The following RIMS2 variants were observed in gnomAD, a reference collection of about 807,000 sequenced individuals.
RIMS2 encodes regulating synaptic membrane exocytosis 2.
In RIMS2, 59 loss-of-function variants were observed where a neutral mutation model predicts 174.4. The ratio of observed to expected loss-of-function variants is 0.34; its 90% confidence interval spans 0.27 to 0.42. The LOEUF is 0.42. Among genes scored for constraint, RIMS2 ranks in the 10% least tolerant of loss-of-function variants. The probability of loss-of-function intolerance (pLI) is 1.00; values close to 1 mark genes in which losing one functional copy is unlikely to be tolerated. For missense variants in RIMS2, 1,620 were observed against 1,666.3 expected, an observed-to-expected ratio of 0.97 and a Z score of 0.48; for synonymous variants, 606 against 572.5, an observed-to-expected ratio of 1.06 and a Z score of -0.84.
intron 3 of RIMS2, among the ~76,000 whole-genome samples, chr8:103,851,570 A>T (rs2098998059): frequency 1.3e-5 from 2 of 151,190 alleles, no homozygotes; most frequent in African/African-American, 2.4e-5. Flanking sequence ...TGATTTTAGT[A>T]TTCTTATAGT....
intron 19 of RIMS2, among the ~76,000 whole-genome samples, chr8:104,104,896 AG>A (rs1301672217): frequency 1.3e-5 from 2 of 151,088 alleles, no homozygotes; most frequent in South Asian, 2.1e-4. Context: ...AAAAAAAAAA[AG>A]AGAGAACATG....
intron 12 of RIMS2, among the ~76,000 whole-genome samples, 158 bp downstream of exon 14, chr8:103,931,551 T>C (rs1401757839): frequency 6.6e-6 from 1 of 152,122 alleles, no homozygotes; most frequent in Admixed American, 6.5e-5. Flanking sequence ...ATAGTGACAG[T>C]AAATAAGATT....
At chr8:103,980,452 T>C (rs1441954054) in intron 16 of RIMS2, among the ~76,000 whole-genome samples, 2 of 152,290 alleles carry the variant, frequency 1.3e-5, no homozygotes, top group East Asian at 1.9e-4. Flanking sequence ...GCTGTGGGCA[T>C]TGGGCTCTGA....
chr8:103,797,643 T>C (rs1000505957), intron 3 of RIMS2, among the ~76,000 whole-genome samples: 1 of 152,216 alleles, frequency 6.6e-6, no homozygotes, highest in Admixed American at 6.5e-5. Flanking sequence ...TTGCTACATA[T>C]CAGATTGATC....
chr8:104,174,740 T>C (rs1219025597), intron 19 of RIMS2, among the ~76,000 whole-genome samples: 2 of 152,162 alleles, frequency 1.3e-5, no homozygotes, highest in African/African-American at 4.8e-5. Flanking sequence ...AAAGAAACAA[T>C]AAATGATTTT....
chr8:103,858,665 A>G (rs1049033102), intron 3 of RIMS2, among the ~76,000 whole-genome samples: 1 of 149,564 alleles, frequency 6.7e-6, no homozygotes, highest in African/African-American at 2.5e-5. Context: ...CCTTAACCAT[A>G]TATATATATA....
chr8:104,177,504 G>C (rs778298176), intron 19 of RIMS2, among the ~76,000 whole-genome samples: 4 of 152,042 alleles, frequency 2.6e-5, no homozygotes, highest in Non-Finnish European at 4.4e-5. Flanking sequence ...TAATCAATAT[G>C]AAGTGCTACT....
At chr8:103,939,034 A>G (rs981975347) in intron 13 of RIMS2, among the ~76,000 whole-genome samples, 1 of 152,066 alleles carries the variant, frequency 6.6e-6, no homozygotes, top group South Asian at 2.1e-4. Flanking sequence ...TTGGTTTCCC[A>G]GGTGCACAGT....
chr8:104,203,129 C>T (rs754256946), intron 19 of RIMS2, among the ~76,000 whole-genome samples: 18 of 151,780 alleles, frequency 1.2e-4, no homozygotes, highest in Non-Finnish European at 2.4e-4. Context: ...ATTTATCAGG[C>T]CTAGAAACAT....
chr8:103,704,845 T>C lies in RIMS2; in HGVS notation c.387+7549T>C, dbSNP rs1242981351. The stretch of plus-strand genomic sequence containing the variant: ...CTTTTTTATCTCTGATTTTATTTAT[T>C]TTGGACTCTTCTTAGTTTCCTAGTG... On this transcript the variant is annotated intron_variant, in intron 2 of 23. Transcript: ENST00000504942. 2.6e-5 allele frequency among the ~76,000 whole-genome samples: 4 copies of C among 152,028 alleles called. No homozygotes were observed. The East Asian group carries it at 7.7e-4, about 29-fold the overall frequency.
At chr8:103,632,989 T>C (rs9772647) in intron 1 of RIMS2, among the ~76,000 whole-genome samples, 26,922 of 150,104 alleles carry the variant, frequency 0.18, 2,663 homozygotes, top group African/African-American at 0.25. Context: ...CACCTTGGCC[T>C]CCCAAAGTGC....
intron 3 of RIMS2, chr8:103,880,496 A>AT: frequency 2.6e-6 from 1 of 379,424 alleles, no homozygotes. Context: ...TTTTTGTGTA[A>AT]TTTTTTAGTA....
chr8:103,940,674 G>A (rs930064352), intron 13 of RIMS2, among the ~76,000 whole-genome samples: 1 of 151,966 alleles, frequency 6.6e-6, no homozygotes, highest in Admixed American at 6.6e-5. Context: ...TCAGGAGTTC[G>A]AGACCAGCCT....
intron 19 of RIMS2, among the ~76,000 whole-genome samples, chr8:104,202,228 C>T (rs896711607): frequency 6.6e-6 from 1 of 151,988 alleles, no homozygotes; most frequent in Non-Finnish European, 1.5e-5. Flanking sequence ...ATAGACATAC[C>T]AATTTTTAAA....
At chr8:104,243,348 A>G (rs2099312146) in intron 19 of RIMS2, among the ~76,000 whole-genome samples, 1 of 152,160 alleles carries the variant, frequency 6.6e-6, no homozygotes, top group Non-Finnish European at 1.5e-5. Context: ...GTGAAAAGAG[A>G]TTTCGACAAA....
At chr8:103,689,668 A>G (rs915590259) in intron 1 of RIMS2, among the ~76,000 whole-genome samples, 1 of 152,084 alleles carries the variant, frequency 6.6e-6, no homozygotes, top group African/African-American at 2.4e-5. Context: ...TGATACAAGT[A>G]TAGTTACTCC....
At position 103,865,817 on chromosome 8, in the gene RIMS2, TAATATTTTTAAAAA is replaced by T. The variant is rs1345089757; in HGVS notation, c.699-19479_699-19466del. Among the ~76,000 whole-genome samples, 4 of 152,304 alleles carry T rather than the reference TAATATTTTTAAAAA, an allele frequency of 2.6e-5. No homozygotes were observed. The East Asian group carries it at 5.8e-4, about 22-fold the overall frequency. ...TTTTTTCTATTATTCAGAATTTGGA[TAATATTTTTAAAAA>T]ATTGATTAAAGTGTAATATTTTAGT... is the stretch of plus-strand genomic sequence containing the variant. On this transcript the variant is annotated intron_variant, in intron 3 of 23. Transcript: ENST00000504942.
At chr8:103,596,047 C>A (rs2094467376) in intron 1 of RIMS2, among the ~76,000 whole-genome samples, 1 of 151,884 alleles carries the variant, frequency 6.6e-6, no homozygotes, top group African/African-American at 2.4e-5. Context: ...ATCTTTCTAA[C>A]CTAATCTTCT....
intron 9 of RIMS2, among the ~76,000 whole-genome samples, chr8:103,919,009 G>C (rs908381510): frequency 3.0e-4 from 46 of 152,160 alleles, no homozygotes; most frequent in African/African-American, 1.1e-3. Context: ...CGTCAGAGCA[G>C]TAGTGGAACA....
Sources: gnomAD v4.1 joint callset for allele counts (sites outside exome capture counted in the v4.1 genomes callset) on GRCh38, gnomAD v4.1.1 for gene constraint, MANE v1.5 for transcripts, NCBI Gene and HGNC (gene_info 2026-07-23, HGNC 2026-07-21) for gene names.